PCLO: variants seen among roughly 807,000 people sequenced by gnomAD.
The protein encoded by PCLO is piccolo presynaptic cytomatrix protein.
PCLO carries 82 observed loss-of-function variants against 427.5 expected under a neutral mutation model. The ratio of observed to expected loss-of-function variants is 0.19; its 90% CI spans 0.16 to 0.23. The LOEUF (loss-of-function observed/expected upper bound fraction) is 0.23. Ranked by LOEUF, PCLO falls within the 10% of genes least tolerant of loss-of-function variation. PCLO has a pLI of 1.00. For synonymous variants in PCLO, 2,357 were observed against 2,155.4 expected, an observed-to-expected ratio of 1.09 and a Z score of -2.59; for missense variants, 6,239 against 6,115.9, an observed-to-expected ratio of 1.02 and a Z score of -0.67.
chr7:82,931,261 A>G (rs1240569774), intron 6 of PCLO, among the ~76,000 whole-genome samples: 4 of 152,180 alleles, frequency 2.6e-5, no homozygotes, highest in Non-Finnish European at 5.9e-5. Flanking sequence ...ATGGCATATA[A>G]GATTTGAATT....
chr7:82,905,436 A>T (rs896172112), intron 8 of PCLO, among the ~76,000 whole-genome samples: 1 of 151,980 alleles, frequency 6.6e-6, no homozygotes, highest in African/African-American at 2.4e-5. Context: ...TAGATGCAGG[A>T]GACAGAGTGC....
rs946907747 is a variant in PCLO at position 83,162,847 on chromosome 7, C to A, written c.-255G>T. ...ACCTTTGCAGAAGACACCTCCCGGA[C>A]GCCGCCTCGGCGCCCCGAGCCGGGG... On this transcript the variant is annotated 5_prime_UTR_variant, in exon 1 of 25. Coordinates refer to ENST00000333891, the MANE Select transcript of PCLO (RefSeq NM_033026.6). 3.8e-6 allele frequency: 2 copies of A among 521,334 alleles called. No homozygotes were observed. The highest frequency in any genetic ancestry group is 2.7e-5 in the South Asian group (1 of 37,408). 32.3% of individuals were successfully genotyped at this position (521,334 alleles called of 1,614,324 possible).
chr7:82,928,059 A>G (rs1359672155), intron 6 of PCLO, among the ~76,000 whole-genome samples: 1 of 152,232 alleles, frequency 6.6e-6, no homozygotes, highest in African/African-American at 2.4e-5. Context: ...TTCAGTTAGC[A>G]TAATACTATT....
intron 14 of PCLO, 107 bp downstream of exon 14, chr7:82,841,352 A>G: frequency 1.4e-6 from 1 of 715,082 alleles, no homozygotes; most frequent in Non-Finnish European, 2.5e-6. Context: ...TTCTGTATAT[A>G]TTACAGAATA....
At chr7:82,818,586 T>G (rs1385991596) in intron 20 of PCLO, among the ~76,000 whole-genome samples, 4 of 152,298 alleles carry the variant, frequency 2.6e-5, no homozygotes, top group African/African-American at 9.6e-5. Context: ...AATAAGTACA[T>G]GACTGTTCTT....
chr7:83,083,136 G>C (rs528203137), intron 3 of PCLO, among the ~76,000 whole-genome samples: 7 of 151,914 alleles, frequency 4.6e-5, no homozygotes, highest in African/African-American at 1.7e-4. Flanking sequence ...TGTAGTCACT[G>C]TCAAAAATGT....
chr7:82,816,301 T>A (rs1459445313), intron 20 of PCLO, among the ~76,000 whole-genome samples: 1 of 152,116 alleles, frequency 6.6e-6, no homozygotes. Context: ...ATTAGTGTCT[T>A]TGGCATTCCT....
At chr7:82,942,562 C>T (rs182785595) in intron 6 of PCLO, among the ~76,000 whole-genome samples, 3 of 152,140 alleles carry the variant, frequency 2.0e-5, no homozygotes, top group East Asian at 3.9e-4. Context: ...TACTAAATTG[C>T]TGAGATCAAC....
chr7:82,859,160 C>A (rs1792887856), intron 10 of PCLO, among the ~76,000 whole-genome samples: 1 of 146,018 alleles, frequency 6.8e-6, no homozygotes, highest in Non-Finnish European at 1.5e-5. Flanking sequence ...TCTGGACCCA[C>A]CTGGGGCCTG....
intron 3 of PCLO, among the ~76,000 whole-genome samples, chr7:83,051,383 T>C (rs548634468): frequency 6.6e-6 from 1 of 152,196 alleles, no homozygotes; most frequent in South Asian, 2.1e-4. Flanking sequence ...GGCTAACATA[T>C]CAAAGTCAAT....
At position 82,916,258 on chromosome 7, in the gene PCLO, C is replaced by T. The variant is rs1214275062; in HGVS notation, c.11728G>A (p.Glu3910Lys). ...TGCTGATGGTACAAAGTTTGTTGCT[C>T]AAAATGAGACTGTTGAGTGTATGAG... ...PTSYTQQSHF[E>K]QQTLYHQQVS... The change falls in exon 7 of 25, where the codon GAG becomes AAG. Residue 3910 changes from glutamate to lysine, a missense_variant. Around this residue, in one of 5 missense-constraint regions of PCLO, gnomAD observed 680 missense variants for 677.3 expected, o/e 1.00. Coordinates refer to ENST00000333891, the MANE Select transcript of PCLO (RefSeq NM_033026.6). The T allele has an allele frequency of 1.2e-6, 2 of 1,613,522 alleles. No individual in the cohort carries two copies. Among genetic ancestry groups the T allele is most frequent in the African/African-American group, 1.3e-5 (1 of 74,942 alleles).
At chr7:82,994,859 C>G (rs774732515) in intron 3 of PCLO, among the ~76,000 whole-genome samples, 3 of 151,340 alleles carry the variant, frequency 2.0e-5, no homozygotes, top group African/African-American at 7.3e-5. Context: ...AGTACAAAAC[C>G]GATAGAATTT....
chr7:82,839,230 T>G (rs928172677), intron 14 of PCLO, among the ~76,000 whole-genome samples: 4 of 152,082 alleles, frequency 2.6e-5, no homozygotes, highest in African/African-American at 7.2e-5. Flanking sequence ...TACTAACTTT[T>G]AAAATAATCC....
rs1345228247 is a variant in PCLO, at chr7:82,953,493, G to A, written c.7460C>T (p.Pro2487Leu). The stretch of plus-strand genomic sequence containing the variant: ...AGATGGAATTGAAGATGGCTTAGGA[G>A]GAACAGGAGGAGGTGCAGTAGTACA... ...RICTTAPPPV[P>L]PKPSSIPSGL... Residue 2487 changes from proline to leucine, a missense_variant, in exon 5 of 25, where the codon CCT becomes CTT. By Grantham distance (98) the Pro-to-Leu change is moderately conservative. Coordinates refer to ENST00000333891, the MANE Select transcript of PCLO (RefSeq NM_033026.6). The A allele has an allele frequency of 2.5e-6, 4 of 1,613,412 alleles. No individual in the cohort carries two copies. The South Asian group carries it at 4.4e-5, about 18-fold the overall frequency.
rs2129467373 is a variant in PCLO at position 82,755,497 on chromosome 7, A to G, written c.*3078T>C. 1 of 152,248 alleles carries G rather than the reference A, an allele frequency of 6.6e-6. No individual in the cohort carries two copies. The highest frequency in any genetic ancestry group is 2.1e-4 in the South Asian group (1 of 4,818). 9.4% of individuals were successfully genotyped at this position (152,248 alleles called of 1,614,324 possible). On this transcript the variant is annotated 3_prime_UTR_variant, in exon 25 of 25. Transcript: ENST00000333891. ...CTCTGTGCTTTTGTTTCTACAGCCG[A>G]AAGTTTCTTTAGGACCAAATTTGAA...
chr7:82,974,477 T>C (rs1336944754), intron 3 of PCLO, among the ~76,000 whole-genome samples: 2 of 152,146 alleles, frequency 1.3e-5, no homozygotes, highest in African/African-American at 4.8e-5. Context: ...TGGTAACCAA[T>C]GATGCGCTAA....
rs954495805 is a variant in PCLO, at chr7:83,118,991, C to T, written c.3300+15259G>A. 2.6e-5 allele frequency among the ~76,000 whole-genome samples: 4 copies of T among 152,114 alleles called. No homozygotes were observed. In the South Asian group the frequency reaches 8.3e-4, roughly 31 times the overall value. ...AGGGAAATATAAAAAAAAATTTTAT[C>T]TTGCAACTTGTGTACCAGCTCAGCC... is the stretch of plus-strand genomic sequence containing the variant. On this transcript the variant is annotated intron_variant, in intron 3 of 24. Coordinates refer to ENST00000333891, the MANE Select transcript of PCLO (RefSeq NM_033026.6).
chr7:82,772,062 A>G (rs1790658535), intron 22 of PCLO, among the ~76,000 whole-genome samples: 2 of 152,258 alleles, frequency 1.3e-5, no homozygotes, highest in South Asian at 4.1e-4. Context: ...CTACAGCCTT[A>G]AAGAACTGTC....
chr7:82,806,562 G>C (rs6954078), intron 20 of PCLO, among the ~76,000 whole-genome samples: 1 of 152,036 alleles, frequency 6.6e-6, no homozygotes, highest in South Asian at 2.1e-4. Flanking sequence ...GATTTGAGAA[G>C]AAATTTTGAT....
Sources: gnomAD v4.1 joint callset for allele counts (sites outside exome capture counted in the v4.1 genomes callset) on GRCh38, gnomAD v4.1.1 for gene constraint, gnomAD v4.1.1 regional missense constraint, MANE v1.5 for transcripts, NCBI Gene and HGNC (gene_info 2026-07-23, HGNC 2026-07-21) for gene names.